ADAMTSL1: variants seen among roughly 807,000 people sequenced by gnomAD.
The protein encoded by ADAMTSL1 is ADAMTS like 1, also known as ADAMTS-like protein 1.
ADAMTSL1 carries 126 observed loss-of-function variants against 201.8 expected under a neutral mutation model. That is an observed-to-expected ratio of 0.62 (90% CI 0.54 to 0.72). The LOEUF (loss-of-function observed/expected upper bound fraction) is 0.72. Ranked by LOEUF, ADAMTSL1 falls within the 30% of genes least tolerant of loss-of-function variation. The probability of loss-of-function intolerance (pLI) is 0.00; values close to 1 mark genes in which losing one functional copy is unlikely to be tolerated. For missense variants in ADAMTSL1, 2,679 were observed against 2,277.8 expected (o/e 1.18, Z -3.59); for synonymous variants, 1,121 against 903.4 (o/e 1.24, Z -4.32).
intron 2 of ADAMTSL1, among the ~76,000 whole-genome samples, chr9:18,361,118 G>T (rs1836499126): frequency 6.6e-6 from 1 of 152,130 alleles, no homozygotes; most frequent in South Asian, 2.1e-4. Flanking sequence ...GTGCCTCCAT[G>T]AGTTGTACTG....
intron 2 of ADAMTSL1, among the ~76,000 whole-genome samples, chr9:18,224,748 G>C (rs1587349153): frequency 6.6e-6 from 1 of 152,058 alleles, no homozygotes; most frequent in Non-Finnish European, 1.5e-5. Flanking sequence ...TGTTACCATA[G>C]GTGGGAGTAG....
At chr9:18,734,168 A>C (rs1818379166) in intron 15 of ADAMTSL1, among the ~76,000 whole-genome samples, 1 of 152,198 alleles carries the variant, frequency 6.6e-6, no homozygotes, top group African/African-American at 2.4e-5. Context: ...AAGTGTGTTA[A>C]GCGCTTAGCA....
At chr9:18,119,771 A>T (rs1047548981) in intron 1 of ADAMTSL1, among the ~76,000 whole-genome samples, 3 of 152,068 alleles carry the variant, frequency 2.0e-5, no homozygotes, top group Non-Finnish European at 4.4e-5. Context: ...GTCTGAAAGG[A>T]GTTGCTGGCT....
intron 10 of ADAMTSL1, among the ~76,000 whole-genome samples, chr9:18,679,999 G>A (rs1327178423): frequency 6.6e-6 from 1 of 152,164 alleles, no homozygotes; most frequent in Non-Finnish European, 1.5e-5. Flanking sequence ...GAAACTATGG[G>A]AGAAGGACAG....
At chr9:18,014,947 C>G (rs977877327) in intron 1 of ADAMTSL1, among the ~76,000 whole-genome samples, 2 of 151,970 alleles carry the variant, frequency 1.3e-5, no homozygotes, top group African/African-American at 4.8e-5. Context: ...CAAGAAAAGC[C>G]GTGTTAAAGT....
In ADAMTSL1 at chr9:18,753,605, AG is replaced by A. The variant is rs1819587791; in HGVS notation, c.2217+100del. ...GAGTGGTTTTGTCCAGGGATGTTAA[AG>A]GGATGTTCAAGATCTGCTCATTTCT... is the stretch of plus-strand genomic sequence containing the variant. On this transcript the variant is annotated intron_variant, in intron 16 of 28. Transcript: ENST00000380548. 1.9e-5 allele frequency: 26 copies of A among 1,345,464 alleles called. No individual in the cohort carries two copies. The South Asian group carries it at 3.1e-4, about 16-fold the overall frequency. The allele number at this position is 1,345,464 out of a possible 1,614,324, so 83.3% of individuals were successfully genotyped here.
At chr9:18,227,637 T>A (rs570240574) in intron 2 of ADAMTSL1, among the ~76,000 whole-genome samples, 10 of 152,264 alleles carry the variant, frequency 6.6e-5, no homozygotes, top group Admixed American at 6.5e-4. Context: ...ATGTATGTCT[T>A]TTTCACAAAG....
intron 1 of ADAMTSL1, among the ~76,000 whole-genome samples, chr9:18,109,691 C>A (rs1394195293): frequency 6.6e-6 from 1 of 152,074 alleles, no homozygotes; most frequent in African/African-American, 2.4e-5. Context: ...CCTTTTAGAC[C>A]CCCTTTACCA....
chr9:18,096,678 A>G (rs1419716010), intron 1 of ADAMTSL1, among the ~76,000 whole-genome samples: 6 of 152,226 alleles, frequency 3.9e-5, no homozygotes, highest in Admixed American at 3.3e-4. Flanking sequence ...GACATTAAGA[A>G]TTCACTTTTG....
At chr9:18,563,318 T>C (rs765212399) in intron 3 of ADAMTSL1, among the ~76,000 whole-genome samples, 2 of 152,184 alleles carry the variant, frequency 1.3e-5, no homozygotes, top group Non-Finnish European at 2.9e-5. Context: ...CAGACCCTGT[T>C]TACCTGGGTA....
intron 2 of ADAMTSL1, among the ~76,000 whole-genome samples, chr9:18,239,054 A>T (rs1162112031): frequency 6.6e-6 from 1 of 152,216 alleles, no homozygotes; most frequent in African/African-American, 2.4e-5. Context: ...AAATGAATAT[A>T]CCTTAATTTT....
intron 2 of ADAMTSL1, among the ~76,000 whole-genome samples, chr9:18,459,983 A>T (rs1180903279): frequency 6.6e-6 from 1 of 152,164 alleles, no homozygotes; most frequent in African/African-American, 2.4e-5. Flanking sequence ...TAAAATCAAG[A>T]TTTGCCGAGA....
intron 20 of ADAMTSL1, among the ~76,000 whole-genome samples, chr9:18,808,385 C>T (rs937427050): frequency 2.6e-5 from 4 of 152,130 alleles, no homozygotes; most frequent in Admixed American, 2.6e-4. Flanking sequence ...TAACTTTGTG[C>T]TTTGTCTTAA....
chr9:18,087,981 T>C (rs1457695702), intron 1 of ADAMTSL1, among the ~76,000 whole-genome samples: 1 of 152,098 alleles, frequency 6.6e-6, no homozygotes, highest in Non-Finnish European at 1.5e-5. Context: ...GCCCTGGAGG[T>C]ACCACACTTC....
chr9:18,197,867 G>T (rs982228319), intron 2 of ADAMTSL1, among the ~76,000 whole-genome samples: 7 of 151,906 alleles, frequency 4.6e-5, no homozygotes, highest in Non-Finnish European at 1.0e-4. Context: ...ATACTACAAG[G>T]CTACAGTAAC....
intron 9 of ADAMTSL1, among the ~76,000 whole-genome samples, chr9:18,669,262 C>A (rs951313001): frequency 1.3e-5 from 2 of 152,174 alleles, no homozygotes; most frequent in Non-Finnish European, 2.9e-5. Flanking sequence ...TCACTCAGTA[C>A]AGAAAGAAGT....
chr9:18,542,295 G>A (rs1399927608), intron 3 of ADAMTSL1, among the ~76,000 whole-genome samples: 1 of 152,128 alleles, frequency 6.6e-6, no homozygotes, highest in African/African-American at 2.4e-5. Flanking sequence ...GAGTTCTGCT[G>A]AGGATTATGT....
At chr9:18,024,039 C>T (rs1365334575) in intron 1 of ADAMTSL1, among the ~76,000 whole-genome samples, 2 of 151,902 alleles carry the variant, frequency 1.3e-5, no homozygotes, top group Non-Finnish European at 2.9e-5. Flanking sequence ...TCCCTTTCTT[C>T]TTCTTCTCTG....
At chr9:18,287,332 CACGTGTGTGTATATATACACATACAT>C (rs895370499) in intron 2 of ADAMTSL1, among the ~76,000 whole-genome samples, 18 of 151,616 alleles carry the variant, frequency 1.2e-4, no homozygotes, top group African/African-American at 4.4e-4. Context: ...TACACACACA[CACGTGTGTGTATATATACACATACAT>C]ACATATACAC....
Sources: gnomAD v4.1 joint callset for allele counts (sites outside exome capture counted in the v4.1 genomes callset) on GRCh38, gnomAD v4.1.1 for gene constraint, MANE v1.5 for transcripts, NCBI Gene and HGNC (gene_info 2026-07-23, HGNC 2026-07-21) for gene names.